The following PDE4D variants were observed in gnomAD, a reference collection of about 807,000 sequenced individuals.
The protein encoded by PDE4D is phosphodiesterase 4D.
A neutral mutation model predicts 87.4 loss-of-function variants in PDE4D; 24 were observed. That is an observed-to-expected ratio of 0.27 (90% CI 0.20 to 0.39). The LOEUF is 0.39. Ranked by LOEUF, PDE4D falls within the 10% of genes least tolerant of loss-of-function variation. PDE4D has a pLI of 1.00. For synonymous variants in PDE4D, 384 were observed against 383.2 expected, an observed-to-expected ratio of 1.00 and a Z score of -0.02; for missense variants, 714 against 1,041.0, an observed-to-expected ratio of 0.69 and a Z score of 4.32.
intron 1 of PDE4D, chr5:59,768,507 CA>C: frequency 6.3e-7 from 1 of 1,598,196 alleles, no homozygotes; most frequent in Non-Finnish European, 8.5e-7. Context: ...TCTGCTGAGC[CA>C]TTTTCCTGGT....
intron 2 of PDE4D, among the ~76,000 whole-genome samples, chr5:60,018,407 G>C (rs1409918954): frequency 6.6e-6 from 1 of 152,024 alleles, no homozygotes; most frequent in African/African-American, 2.4e-5. Flanking sequence ...AAAGACCAAG[G>C]ACACTATATA....
intron 2 of PDE4D, among the ~76,000 whole-genome samples, chr5:60,061,673 C>T (rs1220491509): frequency 6.6e-6 from 1 of 152,158 alleles, no homozygotes; most frequent in East Asian, 1.9e-4. Flanking sequence ...CACTACCTGA[C>T]TTCAAACTAT....
chr5:59,165,410 AT>A (rs1201816638), intron 5 of PDE4D, among the ~76,000 whole-genome samples: 1 of 152,180 alleles, frequency 6.6e-6, no homozygotes, highest in Non-Finnish European at 1.5e-5. Flanking sequence ...AGGAGCTGGG[AT>A]TACAGGTGTG....
intron 3 of PDE4D, among the ~76,000 whole-genome samples, chr5:59,948,929 C>T (rs1201093250): frequency 2.0e-5 from 3 of 152,214 alleles, no homozygotes; most frequent in Non-Finnish European, 4.4e-5. Flanking sequence ...ATTGAATGCT[C>T]ACTATGTGTG....
intron 11 of PDE4D, among the ~76,000 whole-genome samples, chr5:58,986,306 T>C (rs1313784211): frequency 1.3e-5 from 2 of 152,228 alleles, no homozygotes; most frequent in African/African-American, 2.4e-5. Flanking sequence ...GATTCATCTG[T>C]AGACTGAGGC....
intron 1 of PDE4D, among the ~76,000 whole-genome samples, chr5:60,409,070 A>G (rs1428454293): frequency 6.6e-6 from 1 of 152,200 alleles, no homozygotes; most frequent in African/African-American, 2.4e-5. Flanking sequence ...GTGGAGTAGA[A>G]AGACAAAAAA....
At chr5:59,528,386 T>C (rs1348103578) in intron 1 of PDE4D, among the ~76,000 whole-genome samples, 2 of 152,146 alleles carry the variant, frequency 1.3e-5, no homozygotes, top group East Asian at 1.9e-4. Flanking sequence ...TATAACCAGA[T>C]GGAGTTAAAT....
chr5:59,408,358 AGAG>A (rs1279979231), intron 1 of PDE4D, among the ~76,000 whole-genome samples: 1 of 152,214 alleles, frequency 6.6e-6, no homozygotes, highest in Non-Finnish European at 1.5e-5. Flanking sequence ...AAGAATGGAA[AGAG>A]TGATCCTAGT....
chr5:59,368,556 T>C (rs1369991434), intron 1 of PDE4D, among the ~76,000 whole-genome samples: 1 of 152,228 alleles, frequency 6.6e-6, no homozygotes, highest in Non-Finnish European at 1.5e-5. Flanking sequence ...AAAATCTTTA[T>C]TCATGTAAAT....
At chr5:59,187,804 A>G (rs1291797422) in intron 3 of PDE4D, among the ~76,000 whole-genome samples, 3 of 152,008 alleles carry the variant, frequency 2.0e-5, no homozygotes, top group Non-Finnish European at 2.9e-5. Flanking sequence ...AGGACAAACT[A>G]TTTTATAAAT....
chr5:60,048,667 T>G (rs912925841), intron 2 of PDE4D, among the ~76,000 whole-genome samples: 1 of 152,064 alleles, frequency 6.6e-6, no homozygotes, highest in Non-Finnish European at 1.5e-5. Flanking sequence ...TGAAAATTCT[T>G]TTCTTTAAGA....
In PDE4D at chr5:58,973,735, G is replaced by GAAGA. The variant is rs1373283233; in HGVS notation, c.*925_*928dup. Reference sequence around the variant, plus strand: ...TTTGCACATGAAGAAAAACACTGGTGAAGAGCAACTCTGCTTATCTGGAAA... The same window carrying GAAGA: ...TTTGCACATGAAGAAAAACACTGGTGAAGAAAGAGCAACTCTGCTTATCTGGAAA... On this transcript the variant is annotated 3_prime_UTR_variant, in exon 15 of 15. Coordinates refer to ENST00000340635, the MANE Select transcript of PDE4D (RefSeq NM_001104631.2). 6.6e-6 allele frequency: 1 copy of GAAGA among 152,578 alleles called. No homozygotes were observed. Among genetic ancestry groups the GAAGA allele is most frequent in the Non-Finnish European group, 1.5e-5 (1 of 68,034 alleles). 9.5% of individuals were successfully genotyped at this position (152,578 alleles called of 1,614,324 possible). A position where few individuals can be genotyped will look rare whatever the true frequency, so the allele number is the denominator to read the frequency against.
At chr5:59,038,001 C>T (rs757309629) in intron 6 of PDE4D, among the ~76,000 whole-genome samples, 1 of 152,192 alleles carries the variant, frequency 6.6e-6, no homozygotes, top group African/African-American at 2.4e-5. Context: ...CTGGCTGAAT[C>T]CTTCAGCCAT....
At chr5:59,310,217 C>T (rs1009326546) in intron 1 of PDE4D, among the ~76,000 whole-genome samples, 2 of 152,126 alleles carry the variant, frequency 1.3e-5, no homozygotes, top group Admixed American at 6.5e-5. Context: ...TGGACTTTTC[C>T]CCAATAAGTC....
intron 2 of PDE4D, among the ~76,000 whole-genome samples, chr5:60,117,706 T>G (rs890165791): frequency 6.6e-6 from 1 of 152,010 alleles, no homozygotes; most frequent in Middle Eastern, 3.2e-3. Context: ...TCTGGTTCCT[T>G]TCCTTTTCTC....
intron 1 of PDE4D, among the ~76,000 whole-genome samples, chr5:59,564,680 T>C (rs115733602): frequency 6.6e-6 from 1 of 151,978 alleles, no homozygotes; most frequent in Non-Finnish European, 1.5e-5. Context: ...ACCTGTAAGG[T>C]TCCAAGTAGG....
intron 1 of PDE4D, among the ~76,000 whole-genome samples, chr5:60,340,229 CT>C (rs35434152): frequency 0.22 from 33,182 of 151,974 alleles, 3,914 homozygotes; most frequent in South Asian, 0.39. Context: ...AAAGCAAAAT[CT>C]GTGAATTATC....
chr5:59,122,100 C>A (rs1355188167), intron 5 of PDE4D, among the ~76,000 whole-genome samples: 1 of 125,252 alleles, frequency 8.0e-6, no homozygotes. Flanking sequence ...TGAGATGGCA[C>A]CATTGCACTC....
intron 2 of PDE4D, among the ~76,000 whole-genome samples, chr5:60,077,855 C>T (rs867509908): frequency 2.0e-5 from 3 of 152,152 alleles, no homozygotes; most frequent in Admixed American, 2.0e-4. Flanking sequence ...GAGAGTGGAT[C>T]GCTCCTGGCC....
Sources: gnomAD v4.1 joint callset for allele counts (sites outside exome capture counted in the v4.1 genomes callset) on GRCh38, gnomAD v4.1.1 for gene constraint, MANE v1.5 for transcripts, NCBI Gene and HGNC (gene_info 2026-07-23, HGNC 2026-07-21) for gene names.